The following MAF variants were observed in gnomAD, a reference collection of about 807,000 sequenced individuals.
The protein encoded by MAF is MAF bZIP transcription factor.
Under a neutral mutation model 22.0 loss-of-function variants are expected in MAF, and 10 were observed. The ratio of observed to expected loss-of-function variants is 0.45; its 90% CI spans 0.28 to 0.77. The LOEUF (loss-of-function observed/expected upper bound fraction) is 0.77. MAF is among the 30% of genes least tolerant of loss of function. The probability of loss-of-function intolerance (pLI) is 0.12; values close to 1 mark genes in which losing one functional copy is unlikely to be tolerated. For missense variants in MAF, 544 were observed against 548.4 expected, an observed-to-expected ratio of 0.99 and a Z score of 0.08; for synonymous variants, 337 against 255.8, an observed-to-expected ratio of 1.32 and a Z score of -3.03.
chr16:79,365,991 A>G, the MAF span, among the ~76,000 whole-genome samples: 2 of 152,230 alleles, frequency 1.3e-5, no homozygotes, highest in Non-Finnish European at 2.9e-5. Context: ...TCTAAATGAC[A>G]TACATTTTTG....
the MAF span, among the ~76,000 whole-genome samples, chr16:79,381,874 C>T: frequency 1.3e-5 from 2 of 152,120 alleles, no homozygotes; most frequent in African/African-American, 4.8e-5. Flanking sequence ...ACTCAACCTG[C>T]GCCTTGAAAA....
chr16:79,478,062 G>A, the MAF span, among the ~76,000 whole-genome samples: 2 of 152,134 alleles, frequency 1.3e-5, no homozygotes, highest in South Asian at 2.1e-4. Context: ...AGCTGGGTAT[G>A]ATTAACTCTT....
the MAF span, among the ~76,000 whole-genome samples, chr16:79,321,253 T>A: frequency 1.3e-5 from 2 of 152,122 alleles, no homozygotes; most frequent in South Asian, 2.1e-4. Context: ...CCATCACACC[T>A]CAAGGTAGGG....
the MAF span, among the ~76,000 whole-genome samples, chr16:79,301,429 C>T: frequency 6.6e-6 from 1 of 152,006 alleles, no homozygotes; most frequent in Non-Finnish European, 1.5e-5. Context: ...ATTTTTTCCC[C>T]CCATTTGAGG....
the MAF span, among the ~76,000 whole-genome samples, chr16:79,554,303 G>A: frequency 6.6e-6 from 1 of 152,172 alleles, no homozygotes; most frequent in Non-Finnish European, 1.5e-5. Flanking sequence ...TGAAAGACAA[G>A]TGATCAAGTT....
At chr16:79,210,549 G>A in the MAF span, among the ~76,000 whole-genome samples, 5 of 152,070 alleles carry the variant, frequency 3.3e-5, no homozygotes, top group Admixed American at 1.3e-4. Flanking sequence ...TACCTTTTCC[G>A]GTCCTCTCTT....
the MAF span, among the ~76,000 whole-genome samples, chr16:79,220,149 G>C: frequency 5.1e-4 from 77 of 151,404 alleles, no homozygotes; most frequent in Admixed American, 3.9e-4. Context: ...CCAGTTACTC[G>C]GGAGGCTGAG....
the MAF span, among the ~76,000 whole-genome samples, chr16:79,456,631 C>T: frequency 6.6e-6 from 1 of 152,138 alleles, no homozygotes; most frequent in African/African-American, 2.4e-5. Context: ...CCGTTCTTTA[C>T]AACTGTAAGC....
At chr16:79,503,676 G>C in the MAF span, among the ~76,000 whole-genome samples, 1 of 152,130 alleles carries the variant, frequency 6.6e-6, no homozygotes, top group Non-Finnish European at 1.5e-5. Flanking sequence ...TCTTGGACAA[G>C]AAAAATCACA....
At chr16:79,413,735 T>C in the MAF span, among the ~76,000 whole-genome samples, 1 of 152,304 alleles carries the variant, frequency 6.6e-6, no homozygotes, top group East Asian at 1.9e-4. Flanking sequence ...ACTCGAGTAA[T>C]ATTAGTTATT....
At chr16:79,333,327 G>A in the MAF span, among the ~76,000 whole-genome samples, 6 of 152,074 alleles carry the variant, frequency 3.9e-5, no homozygotes, top group African/African-American at 7.2e-5. Flanking sequence ...TGGGTTAATC[G>A]GAATCCTACT....
At chr16:79,551,875 T>C in the MAF span, among the ~76,000 whole-genome samples, 1 of 152,038 alleles carries the variant, frequency 6.6e-6, no homozygotes, top group Non-Finnish European at 1.5e-5. Context: ...AACAGAAATA[T>C]CTGCTCTCTG....
chr16:79,337,705 C>T, the MAF span, among the ~76,000 whole-genome samples: 1 of 152,178 alleles, frequency 6.6e-6, no homozygotes, highest in Non-Finnish European at 1.5e-5. Context: ...CACACAAACA[C>T]AATACATATA....
At chr16:79,260,886 C>A in the MAF span, among the ~76,000 whole-genome samples, 11 of 151,586 alleles carry the variant, frequency 7.3e-5, no homozygotes, top group Non-Finnish European at 1.3e-4. Flanking sequence ...TAGCAAAGTA[C>A]AAAATCCAGG....
At chr16:79,565,386 T>C in the MAF span, among the ~76,000 whole-genome samples, 1 of 152,328 alleles carries the variant, frequency 6.6e-6, no homozygotes, top group Non-Finnish European at 1.5e-5. Context: ...AAAGGTCTGC[T>C]GACCTGGGAC....
chr16:79,322,402 A>G, the MAF span, among the ~76,000 whole-genome samples: 1 of 152,136 alleles, frequency 6.6e-6, no homozygotes, highest in Admixed American at 6.5e-5. Context: ...TTAGGAAGGG[A>G]ATCTTCTTTT....
the MAF span, among the ~76,000 whole-genome samples, chr16:79,314,441 G>A: frequency 2.6e-5 from 4 of 152,188 alleles, no homozygotes; most frequent in African/African-American, 7.2e-5. Flanking sequence ...CAGTGAGGCA[G>A]CTGGCCAGAT....
the MAF span, among the ~76,000 whole-genome samples, chr16:79,493,155 CTTGTT>C: frequency 5.5e-5 from 8 of 145,320 alleles, no homozygotes; most frequent in East Asian, 1.0e-3. Flanking sequence ...TTTGTTTTGT[CTTGTT>C]TTGTTTTGTT....
chr16:79,559,507 G>A, the MAF span, among the ~76,000 whole-genome samples: 533 of 152,186 alleles, frequency 3.5e-3, 3 homozygotes, highest in African/African-American at 0.012. Flanking sequence ...TCTGCCTTCC[G>A]TTCTACTAGC....
Sources: gnomAD v4.1 joint callset for allele counts (sites outside exome capture counted in the v4.1 genomes callset) on GRCh38, gnomAD v4.1.1 for gene constraint, MANE v1.5 for transcripts, NCBI Gene and HGNC (gene_info 2026-07-23, HGNC 2026-07-21) for gene names.